LCT: variants seen among roughly 807,000 people sequenced by gnomAD.
LCT encodes lactase/phlorizin hydrolase.
In LCT, 90 loss-of-function variants were observed where a neutral mutation model predicts 173.0. The ratio of observed to expected loss-of-function variants is 0.52; its 90% CI spans 0.44 to 0.62. The LOEUF is 0.62. LCT is among the 20% of genes least tolerant of loss of function. The pLI, the probability that LCT is intolerant of heterozygous loss-of-function variation, is 0.00. For missense variants in LCT, 1,864 were observed against 2,431.4 expected (o/e 0.77, Z 4.91); for synonymous variants, 853 against 957.6 (o/e 0.89, Z 2.02).
At position 135,788,195 on chromosome 2, in the gene LCT, C is replaced by T. The variant is rs938390030; in HGVS notation, c.*129G>A. The T allele has an allele frequency of 5.4e-6, 4 of 743,086 alleles. No individual in the cohort carries two copies. Among genetic ancestry groups the T allele is most frequent in the African/African-American group, 5.2e-5 (3 of 57,528 alleles). 46.0% of individuals were successfully genotyped at this position (743,086 alleles called of 1,614,324 possible). On this transcript the variant is annotated 3_prime_UTR_variant, in exon 17 of 17. Transcript: ENST00000264162. ...AAATCATTCAAGATTAAAGTCATCT[C>T]TAACGGTGCAGCAGGACTTTATGGA...
At position 135,822,081 on chromosome 2, in the gene LCT, C is replaced by T. The variant is rs774771399; in HGVS notation, c.925G>A (p.Val309Met). ...TTAATATCAAACCCAATGGTGAGCA[C>T]TTGGTCTTTATTTATGGCTGTAAGA... ...SLFEAINKDQ[V>M]LTIGFDINEF... The change falls in exon 5 of 17, where the codon GTG (valine) becomes ATG (methionine). Residue 309 changes from valine to methionine, a missense_variant. Physicochemically the swap from Val to Met is conservative, Grantham distance 21. This residue lies in a region of LCT where 412 missense variants were observed against 462.0 expected (regional missense o/e 0.89). Transcript: ENST00000264162. 4.4e-6 allele frequency: 7 copies of T among 1,601,064 alleles called. No individual in the cohort carries two copies. In the East Asian group the frequency reaches 1.3e-4, roughly 31 times the overall value.
At chr2:135,792,553 G>A (rs2077540706) in intron 14 of LCT, among the ~76,000 whole-genome samples, 1 of 152,144 alleles carries the variant, frequency 6.6e-6, no homozygotes, top group Non-Finnish European at 1.5e-5. Flanking sequence ...CTGTTGGCAG[G>A]GCACAGCAGG....
At position 135,789,814 on chromosome 2, in the gene LCT, G is replaced by A. The variant is rs2077520138; in HGVS notation, c.5336-16C>T. Reference sequence around the variant, plus strand: ...TCCTGCACAGCTGCTCAAACACAGAGGACTAGGCATAAGTTTCCTATCTCA... The same window carrying A: ...TCCTGCACAGCTGCTCAAACACAGAAGACTAGGCATAAGTTTCCTATCTCA... On this transcript the variant is annotated splice_polypyrimidine_tract_variant and intron_variant, in intron 15 of 16. Transcript: ENST00000264162. 1 of 1,604,688 alleles carries A rather than the reference G, an allele frequency of 6.2e-7. No individual in the cohort carries two copies. The highest frequency in any genetic ancestry group is 8.5e-7 in the Non-Finnish European group (1 of 1,171,408).
chr2:135,831,089 T>C (rs951696397), intron 2 of LCT, among the ~76,000 whole-genome samples: 5 of 152,232 alleles, frequency 3.3e-5, no homozygotes, highest in East Asian at 1.9e-4. Flanking sequence ...GTCTCCGTGC[T>C]CTCTCCTAGC....
At chr2:135,825,501 C>T (rs993740449) in intron 3 of LCT, among the ~76,000 whole-genome samples, 11 of 152,192 alleles carry the variant, frequency 7.2e-5, no homozygotes, top group African/African-American at 2.7e-4. Flanking sequence ...CGGTGATGTC[C>T]CAGGGCTGGA....
chr2:135,828,915 G>T (rs1366324238), intron 3 of LCT, among the ~76,000 whole-genome samples: 2 of 152,174 alleles, frequency 1.3e-5, no homozygotes, highest in Non-Finnish European at 2.9e-5. Flanking sequence ...TACAGGCCAG[G>T]TGTGGTGGCT....
At chr2:135,795,293 C>T (rs996012809) in intron 13 of LCT, among the ~76,000 whole-genome samples, 7 of 151,908 alleles carry the variant, frequency 4.6e-5, no homozygotes, top group South Asian at 2.1e-4. Context: ...CTGCAACCTC[C>T]GCCTCCTGGG....
chr2:135,793,586 C>T (rs1298246040), intron 14 of LCT, among the ~76,000 whole-genome samples: 2 of 152,150 alleles, frequency 1.3e-5, no homozygotes, highest in African/African-American at 4.8e-5. Flanking sequence ...CCCAAAAGGT[C>T]GCACTAACTC....
Position 135,809,408 on chromosome 2 carries a change from C to T in LCT, c.2939G>A (p.Trp980Ter). The T allele has an allele frequency of 6.2e-7, 1 of 1,614,194 alleles. No homozygotes were observed. Among genetic ancestry groups the T allele is most frequent in the Non-Finnish European group, 8.5e-7 (1 of 1,180,036 alleles). The stretch of plus-strand genomic sequence containing the variant: ...TCTCCCAGTTGGGAAAATCCGAGAC[C>T]AGGAGATAGAGAAGCGGTAGGCCTT... ...KVKAYRFSISWSRIFPTGRNS... is the reference protein window; with the variant it reads ...KVKAYRFSIS The change falls in exon 8 of 17, where the codon TGG becomes TAG. Residue 980 changes from tryptophan to a stop codon, truncating the protein, a stop_gained. Transcript: ENST00000264162. LOFTEE classifies it high-confidence loss of function. The surrounding 1 kb of genome is among the most constrained non-coding windows in gnomAD (Gnocchi z 5.5).
chr2:135,798,210 C>T lies in LCT; in HGVS notation c.4867-72G>A, dbSNP rs1352732144. 5 of 840,828 alleles carry T rather than the reference C, an allele frequency of 5.9e-6. No homozygotes were observed. In the East Asian group the frequency reaches 1.2e-4, roughly 20 times the overall value. 52.1% of individuals were successfully genotyped at this position (840,828 alleles called of 1,614,324 possible). ...AGCAAGAGACAGCATCGTCCCCGCT[C>T]AGAAGTGCCTGGCCTCACAACCTCC... On this transcript the variant is annotated intron_variant, in intron 12 of 16. Transcript: ENST00000264162.
chr2:135,829,340 A>G (rs371804754), intron 3 of LCT, among the ~76,000 whole-genome samples: 1 of 152,176 alleles, frequency 6.6e-6, no homozygotes, highest in South Asian at 2.1e-4. Flanking sequence ...GCAGATTTCT[A>G]CACAAGCAAG....
chr2:135,804,183 T>C, intron 10 of LCT, 55 bp from the exon 11 acceptor site: 1 of 1,382,414 alleles, frequency 7.2e-7, no homozygotes. Flanking sequence ...TGGGAAGCCC[T>C]AGGTTAGATG....
In LCT at chr2:135,817,824, C is replaced by T. The variant is rs751284353; in HGVS notation, c.1224G>A (p.Val408=). The T allele has an allele frequency of 1.1e-5, 18 of 1,613,944 alleles. No individual in the cohort carries two copies. In the South Asian group the frequency reaches 1.6e-4, roughly 15 times the overall value. The change falls in exon 6 of 17, where the codon GTG becomes GTA. Residue 408 remains valine, a synonymous_variant. Transcript: ENST00000264162. The stretch of plus-strand genomic sequence containing the variant: ...GGGGCCTGCGTGGATCCCAGATGCT[C>T]ACCCCTCTCCCACCCTCGGCCCAGC... ...EGGWAEGGRG[V]SIWDPRRPLN...
At chr2:135,802,747 C>T (rs10928547) in intron 11 of LCT, among the ~76,000 whole-genome samples, 149,174 of 152,266 alleles carry the variant, frequency 0.98, 73,124 homozygotes, top group East Asian at 1. Context: ...GGTTGGTTAA[C>T]GGATACAAAG....
rs1392863411 is a variant in LCT, at chr2:135,812,416, T to C, written c.2248A>G (p.Ile750Val). The C allele has an allele frequency of 1.2e-6, 2 of 1,614,104 alleles. No homozygotes were observed. The highest frequency in any genetic ancestry group is 2.2e-5 in the East Asian group (1 of 44,908). Residue 750 changes from isoleucine to valine, a missense_variant, in exon 7 of 17, where the codon ATA (isoleucine) becomes GTA (valine). Transcript: ENST00000264162. Reference sequence around the variant, plus strand: ...GGCATGCCATTCCCGGCAAGGTATATTGGAACTTTTCCTCTTGTGTATTCC... The same window carrying C: ...GGCATGCCATTCCCGGCAAGGTATACTGGAACTTTTCCTCTTGTGTATTCC... ...SLEYTRGKVP[I>V]YLAGNGMPIG...
intron 6 of LCT, among the ~76,000 whole-genome samples, chr2:135,816,526 G>A (rs1468645416): frequency 6.6e-6 from 1 of 152,224 alleles, no homozygotes; most frequent in Non-Finnish European, 1.5e-5. Flanking sequence ...AACAGGAGAG[G>A]AACTGGGTCC....
chr2:135,817,951 A>G lies in LCT; in HGVS notation c.1097T>C (p.Phe366Ser). 1 of 1,613,936 alleles carries G rather than the reference A, an allele frequency of 6.2e-7. No homozygotes were observed. Among genetic ancestry groups the G allele is most frequent in the Non-Finnish European group, 8.5e-7 (1 of 1,180,006 alleles). Reference sequence around the variant, plus strand: ...CCTTTCCGCCCTGGACTGATTGGCAAATGCTTCCCAGATTCTCTGATAGGC... The same window carrying G: ...CCTTTCCGCCCTGGACTGATTGGCAGATGCTTCCCAGATTCTCTGATAGGC... ...ASAYQRIWEA[F>S]ANQSRAERDA... The change falls in exon 6 of 17, where the codon TTT becomes TCT. Residue 366 changes from phenylalanine to serine, a missense_variant. Coordinates refer to ENST00000264162, the MANE Select transcript of LCT (RefSeq NM_002299.4).
rs112405940 is a variant in LCT at position 135,829,830 on chromosome 2, A to ATTGTGTGTGTGT, written c.721-155_721-154insACACACACACAA. 2.7e-5 allele frequency among the ~76,000 whole-genome samples: 4 copies of ATTGTGTGTGTGT among 146,712 alleles called. No individual in the cohort carries two copies. In the South Asian group the frequency reaches 8.8e-4, roughly 32 times the overall value. On this transcript the variant is annotated intron_variant, in intron 2 of 16. Coordinates refer to ENST00000264162, the MANE Select transcript of LCT (RefSeq NM_002299.4). ...GGAAAAGATGGAGATGGAATGAGAA[A>ATTGTGTGTGTGT]GTGTGTGTGTGTGTGTGTGTGTGTG...
chr2:135,799,220 G>A (rs1305112913), intron 12 of LCT, among the ~76,000 whole-genome samples: 2 of 152,112 alleles, frequency 1.3e-5, no homozygotes, highest in African/African-American at 4.8e-5. Context: ...GGCAAACCAA[G>A]GCCCATGGTG....
Sources: gnomAD v4.1 joint callset for allele counts (sites outside exome capture counted in the v4.1 genomes callset) on GRCh38, gnomAD v4.1.1 for gene constraint, gnomAD v4.1.1 regional missense constraint, Gnocchi (gnomAD v3.1) non-coding constraint, MANE v1.5 for transcripts, NCBI Gene and HGNC (gene_info 2026-07-23, HGNC 2026-07-21) for gene names.